The following NELL2 variants were observed in gnomAD, a reference collection of about 807,000 sequenced individuals.
NELL2 encodes the protein protein kinase C-binding protein NELL2.
In NELL2, 41 loss-of-function variants were observed where a neutral mutation model predicts 109.6. The ratio of observed to expected loss-of-function variants is 0.37; its 90% confidence interval spans 0.29 to 0.49. The LOEUF (loss-of-function observed/expected upper bound fraction) is 0.49. NELL2 is among the 20% of genes least tolerant of loss of function. The probability of loss-of-function intolerance (pLI) is 0.98; values close to 1 mark genes in which losing one functional copy is unlikely to be tolerated. For synonymous variants in NELL2, 355 were observed against 344.7 expected, an observed-to-expected ratio of 1.03 and a Z score of -0.33; for missense variants, 900 against 1,008.3, an observed-to-expected ratio of 0.89 and a Z score of 1.45.
intron 15 of NELL2, among the ~76,000 whole-genome samples, chr12:44,582,708 G>C (rs1944365164): frequency 6.6e-6 from 1 of 152,046 alleles, no homozygotes. Flanking sequence ...AAGGAGGTGA[G>C]AAGGTCAAAG....
intron 13 of NELL2, among the ~76,000 whole-genome samples, chr12:44,627,688 T>A (rs1419232787): frequency 6.6e-6 from 1 of 152,078 alleles, no homozygotes; most frequent in Non-Finnish European, 1.5e-5. Flanking sequence ...ATATAACTTG[T>A]TCCCCTTTCT....
intron 19 of NELL2, among the ~76,000 whole-genome samples, chr12:44,515,758 CT>C (rs1206966256): frequency 6.6e-6 from 1 of 151,838 alleles, no homozygotes; most frequent in African/African-American, 2.4e-5. Context: ...AATAAGTTTC[CT>C]TAAGACCCTG....
chr12:44,624,752 C>A (rs1946176335), intron 13 of NELL2, among the ~76,000 whole-genome samples: 1 of 151,592 alleles, frequency 6.6e-6, no homozygotes, highest in Non-Finnish European at 1.5e-5. Context: ...ACAGATTGAT[C>A]AAGTTGACGG....
chr12:44,818,725 A>ATTTTTTTTTTTTT (rs1409987918), intron 2 of NELL2, among the ~76,000 whole-genome samples: 4 of 72,146 alleles, frequency 5.5e-5, no homozygotes, highest in East Asian at 5.2e-4. Context: ...TTGTTCACTT[A>ATTTTTTTTTTTTT]TTTTTTTTTT....
At chr12:44,514,314 T>C (rs2138963795) in intron 19 of NELL2, among the ~76,000 whole-genome samples, 1 of 151,988 alleles carries the variant, frequency 6.6e-6, no homozygotes, top group Middle Eastern at 3.4e-3. Context: ...GACTCCAATA[T>C]GTAAGAAGAA....
chr12:44,891,254 T>A (rs1945530896), intron 1 of NELL2, among the ~76,000 whole-genome samples: 1 of 152,160 alleles, frequency 6.6e-6, no homozygotes, highest in South Asian at 2.1e-4. Context: ...GCTATCCAAA[T>A]AACAATTTCA....
rs534844197 is a variant in NELL2, at chr12:44,858,373, A to G, written c.184+16852T>C. On this transcript the variant is annotated intron_variant, in intron 2 of 19. Transcript: ENST00000429094. ...AGTGATTTTTCAGACTTCATTCCATATATTTCCTTTGTAGGGAGAGACACA... is the reference window on the plus strand; with the variant it reads ...AGTGATTTTTCAGACTTCATTCCATGTATTTCCTTTGTAGGGAGAGACACA... Among the ~76,000 whole-genome samples, 3 of 152,168 alleles carry G rather than the reference A, an allele frequency of 2.0e-5. No homozygotes were observed. In the South Asian group the frequency reaches 6.2e-4, roughly 31 times the overall value.
At chr12:44,564,855 T>G (rs12299765) in intron 15 of NELL2, among the ~76,000 whole-genome samples, 16,275 of 152,178 alleles carry the variant, frequency 0.11, 2,930 homozygotes, top group African/African-American at 0.37. Context: ...TGCTATGAAA[T>G]GAGGGCCTTA....
intron 3 of NELL2, among the ~76,000 whole-genome samples, chr12:44,809,788 G>T (rs1244391161): frequency 6.6e-6 from 1 of 152,016 alleles, no homozygotes; most frequent in East Asian, 1.9e-4. Context: ...GTGATCATCT[G>T]CCCTTCCTAC....
chr12:44,568,342 T>C (rs1389896864), intron 15 of NELL2, among the ~76,000 whole-genome samples: 2 of 152,252 alleles, frequency 1.3e-5, no homozygotes, highest in East Asian at 1.9e-4. Flanking sequence ...ACAAAAACTC[T>C]GTATTCGTTT....
chr12:44,606,718 A>C (rs1566007886), intron 15 of NELL2, among the ~76,000 whole-genome samples: 1 of 152,174 alleles, frequency 6.6e-6, no homozygotes, highest in Non-Finnish European at 1.5e-5. Context: ...TTCCAGATAA[A>C]TAATTATTAA....
At position 44,886,296 on chromosome 12, in the gene NELL2, A is replaced by G. The variant is rs961354787; in HGVS notation, c.39-10396T>C. 1.1e-4 allele frequency among the ~76,000 whole-genome samples: 16 copies of G among 151,960 alleles called. 1 individual carries two copies. The highest frequency in any genetic ancestry group is 3.6e-4 in the African/African-American group (15 of 41,298). ...TAGGCAAAGATTTCTTAAGCAGGACACAAAATGCACATATATCAAAAGAAA... is the reference window on the plus strand; with the variant it reads ...TAGGCAAAGATTTCTTAAGCAGGACGCAAAATGCACATATATCAAAAGAAA... On this transcript the variant is annotated intron_variant, in intron 1 of 20. Transcript: ENST00000333837.
intron 13 of NELL2, among the ~76,000 whole-genome samples, chr12:44,656,158 C>T (rs769180262): frequency 1.6e-4 from 24 of 152,164 alleles, no homozygotes; most frequent in Non-Finnish European, 3.4e-4. Context: ...TTTAGAGGTG[C>T]TATTCTTTAC....
At chr12:44,704,027 C>A (rs527407628) in intron 11 of NELL2, among the ~76,000 whole-genome samples, 173 bp from the exon 12 acceptor site, 65 of 152,186 alleles carry the variant, frequency 4.3e-4, no homozygotes, top group African/African-American at 1.5e-3. Flanking sequence ...AAAACTTCTT[C>A]TTTATGTTTA....
chr12:44,878,647 A>G (rs1363678987), upstream of NELL2, among the ~76,000 whole-genome samples: 1 of 152,212 alleles, frequency 6.6e-6, no homozygotes, highest in African/African-American at 2.4e-5. Context: ...GGAATACAAT[A>G]TACATACTTA....
In NELL2 at chr12:44,771,348, A is replaced by ATTT. The variant is rs1214426632; in HGVS notation, c.994+3398_994+3399insAAA. Among the ~76,000 whole-genome samples the ATTT allele has an allele frequency of 5.7e-3, 842 of 147,780 alleles. 3 individuals carry two copies. The highest frequency in any genetic ancestry group is 8.2e-3 in the South Asian group (39 of 4,736). On this transcript the variant is annotated intron_variant, in intron 9 of 19. Transcript: ENST00000429094. ...TTAATTATAACAGATGGTTTTTTTA[A>ATTT]AAAAAAAAAAGGAAAGCAGGCTGTC...
chr12:44,515,021 T>A (rs1941196178), intron 19 of NELL2, among the ~76,000 whole-genome samples: 1 of 151,260 alleles, frequency 6.6e-6, no homozygotes. Flanking sequence ...AATAGAACAA[T>A]TTAGATAAAA....
chr12:44,803,780 T>C (rs1206190561), intron 3 of NELL2, among the ~76,000 whole-genome samples: 1 of 151,936 alleles, frequency 6.6e-6, no homozygotes, highest in African/African-American at 2.4e-5. Flanking sequence ...ATTCATCAAT[T>C]CAGACACAAA....
intron 12 of NELL2, among the ~76,000 whole-genome samples, chr12:44,668,306 C>T (rs1051886333): frequency 6.6e-6 from 1 of 152,134 alleles, no homozygotes; most frequent in Admixed American, 6.5e-5. Context: ...AGGGTCACTG[C>T]CAATGACAAC....
Sources: allele counts gnomAD v4.1 joint callset (sites outside exome capture counted in the v4.1 genomes callset), GRCh38; gene constraint gnomAD v4.1.1; transcripts MANE v1.5; gene names NCBI Gene and HGNC (gene_info 2026-07-23, HGNC 2026-07-21).